The following XRCC4 variants were observed in gnomAD, a reference collection of about 807,000 sequenced individuals.
XRCC4 encodes the protein DNA repair protein XRCC4.
In XRCC4, 28 loss-of-function variants were observed where a neutral mutation model predicts 39.1. That is an observed-to-expected ratio of 0.72 (90% CI 0.53 to 0.98). The LOEUF (loss-of-function observed/expected upper bound fraction) is 0.98. XRCC4 is among the 50% of genes least tolerant of loss of function. The pLI is 0.00. For missense variants in XRCC4, 350 were observed against 376.4 expected, an observed-to-expected ratio of 0.93 and a Z score of 0.58; for synonymous variants, 123 against 126.4, an observed-to-expected ratio of 0.97 and a Z score of 0.18.
At chr5:83,264,991 A>G (rs988831255) in intron 7 of XRCC4, among the ~76,000 whole-genome samples, 3 of 152,080 alleles carry the variant, frequency 2.0e-5, no homozygotes, top group Non-Finnish European at 2.9e-5. Context: ...TTGTTTACCA[A>G]TTCATTTTAG....
At chr5:83,254,209 GA>G (rs1753439703) in intron 6 of XRCC4, among the ~76,000 whole-genome samples, 4 of 150,148 alleles carry the variant, frequency 2.7e-5, no homozygotes, top group South Asian at 4.2e-4. Flanking sequence ...GGAATCTTAA[GA>G]AAAAAACCTC....
At chr5:83,206,859 T>C (rs562903820) in intron 6 of XRCC4, among the ~76,000 whole-genome samples, 1 of 152,062 alleles carries the variant, frequency 6.6e-6, no homozygotes, top group South Asian at 2.1e-4. Context: ...CTCCCCATAA[T>C]GACAGGAGAA....
chr5:83,341,723 C>T (rs1308465916), intron 7 of XRCC4, among the ~76,000 whole-genome samples: 1 of 152,108 alleles, frequency 6.6e-6, no homozygotes, highest in Admixed American at 6.6e-5. Context: ...AGGCTAAAAT[C>T]CTGGCTCCAT....
Position 83,353,612 on chromosome 5 carries a change from T to C in XRCC4, c.*370T>C, listed in dbSNP as rs1022686917. 1.3e-5 allele frequency: 2 copies of C among 156,004 alleles called. No individual in the cohort carries two copies. Among genetic ancestry groups the C allele is most frequent in the African/African-American group, 4.8e-5 (2 of 41,650 alleles). The allele number at this position is 156,004 out of a possible 1,614,324, so 9.7% of individuals were successfully genotyped here. On this transcript the variant is annotated 3_prime_UTR_variant, in exon 8 of 8. Coordinates refer to ENST00000396027, the MANE Select transcript of XRCC4 (RefSeq NM_003401.5). ...ACAAAGAAAACATCATTTTAAAATG[T>C]CTTCAGCTTTTTTTGAATAGACGTA... is the stretch of plus-strand genomic sequence containing the variant.
intron 7 of XRCC4, among the ~76,000 whole-genome samples, chr5:83,322,966 A>G (rs1191395429): frequency 3.3e-5 from 5 of 152,174 alleles, no homozygotes; most frequent in African/African-American, 4.8e-5. Context: ...GCACTGAGGA[A>G]CTCAAAGTTT....
intron 1 of XRCC4, among the ~76,000 whole-genome samples, chr5:83,100,007 GT>G (rs1438507929): frequency 5.3e-5 from 8 of 151,858 alleles, no homozygotes. Context: ...TTGATATTTT[GT>G]AAGACGGTGA....
intron 6 of XRCC4, among the ~76,000 whole-genome samples, chr5:83,243,092 G>A (rs947523732): frequency 5.9e-5 from 9 of 152,066 alleles, no homozygotes; most frequent in Admixed American, 2.0e-4. Context: ...ATAAAGACTG[G>A]AATAATAGTC....
intron 3 of XRCC4, among the ~76,000 whole-genome samples, chr5:83,147,783 A>G (rs952098974): frequency 2.9e-5 from 4 of 140,256 alleles, no homozygotes; most frequent in Admixed American, 7.0e-5. Context: ...CAATGTATAT[A>G]TATTTCTTTT....
chr5:83,283,600 C>T (rs1754627970), intron 7 of XRCC4, among the ~76,000 whole-genome samples: 1 of 152,146 alleles, frequency 6.6e-6, no homozygotes, highest in African/African-American at 2.4e-5. Context: ...TCCACTAATT[C>T]ATTAAATGTG....
At chr5:83,099,497 A>C (rs1026558972) in intron 1 of XRCC4, among the ~76,000 whole-genome samples, 2 of 152,210 alleles carry the variant, frequency 1.3e-5, no homozygotes, top group African/African-American at 4.8e-5. Context: ...TTTATTCAGA[A>C]GCAACTGTGA....
rs1747668215 is a variant in XRCC4, at chr5:83,132,800, T to C, written c.315+21597T>C. 1.3e-5 allele frequency among the ~76,000 whole-genome samples: 2 copies of C among 152,092 alleles called. 1 individual carries two copies. Among genetic ancestry groups the C allele is most frequent in the South Asian group, 4.1e-4 (2 of 4,828 alleles). ...CATTCATCTCATCTTTTTTCAAGGT[T>C]ATTAGCTTCTTTTCAATGGATTCAA... On this transcript the variant is annotated intron_variant, in intron 3 of 7. Coordinates refer to ENST00000396027, the MANE Select transcript of XRCC4 (RefSeq NM_003401.5).
intron 3 of XRCC4, among the ~76,000 whole-genome samples, chr5:83,121,536 T>A: frequency 6.6e-6 from 1 of 152,196 alleles, no homozygotes; most frequent in Non-Finnish European, 1.5e-5. Context: ...TGATATTATT[T>A]GCCATCTATA....
In XRCC4 at chr5:83,289,406, T is replaced by G. The variant is rs182408440; in HGVS notation, c.893+30729T>G. On this transcript the variant is annotated intron_variant, in intron 7 of 7. Coordinates refer to ENST00000396027, the MANE Select transcript of XRCC4 (RefSeq NM_003401.5). The stretch of plus-strand genomic sequence containing the variant: ...TAGACTTTTAGTGTGAAGATGTTCA[T>G]TTGGGTAAGAATTGTGCTATATTTA... Among the ~76,000 whole-genome samples, 324 of 152,012 alleles carry G rather than the reference T, an allele frequency of 2.1e-3. 3 individuals are homozygous for G. Among genetic ancestry groups the G allele is most frequent in the African/African-American group, 7.4e-3 (309 of 41,514 alleles).
At chr5:83,214,023 A>T (rs1398548172) in intron 6 of XRCC4, among the ~76,000 whole-genome samples, 1 of 152,090 alleles carries the variant, frequency 6.6e-6, no homozygotes, top group Non-Finnish European at 1.5e-5. Context: ...AATAACAAAC[A>T]CTCTCAACAA....
chr5:83,351,789 T>G (rs1757091938), intron 7 of XRCC4, among the ~76,000 whole-genome samples: 1 of 152,116 alleles, frequency 6.6e-6, no homozygotes, highest in Admixed American at 6.6e-5. Context: ...CCAACTGTAG[T>G]TAATTGTCTC....
intron 3 of XRCC4, among the ~76,000 whole-genome samples, chr5:83,143,053 T>G (rs775131011): frequency 6.6e-6 from 1 of 152,166 alleles, no homozygotes; most frequent in Non-Finnish European, 1.5e-5. Context: ...TAGTTACCAG[T>G]GACAGTACTT....
chr5:83,303,212 CAAA>C (rs760220069), intron 7 of XRCC4, among the ~76,000 whole-genome samples: 2,332 of 62,804 alleles, frequency 0.037, 30 homozygotes, highest in African/African-American at 0.1. Context: ...GACTCCGTCT[CAAA>C]AAAAAAAAAA....
At chr5:83,190,294 C>CTA (rs973643159) in intron 3 of XRCC4, among the ~76,000 whole-genome samples, 3 of 152,026 alleles carry the variant, frequency 2.0e-5, no homozygotes, top group African/African-American at 4.8e-5. Context: ...TGTATCACAA[C>CTA]TATATATATG....
intron 6 of XRCC4, among the ~76,000 whole-genome samples, chr5:83,256,230 A>G (rs1753534507): frequency 6.6e-6 from 1 of 152,178 alleles, no homozygotes; most frequent in Admixed American, 6.5e-5. Context: ...TGCTAGAAAC[A>G]TCTTGGTTAT....
Sources: allele counts gnomAD v4.1 joint callset (sites outside exome capture counted in the v4.1 genomes callset), GRCh38; gene constraint gnomAD v4.1.1; transcripts MANE v1.5; gene names NCBI Gene and HGNC (gene_info 2026-07-23, HGNC 2026-07-21).